The following ROBO1 variants were observed in gnomAD, a reference collection of about 807,000 sequenced individuals.
The protein encoded by ROBO1 is roundabout guidance receptor 1.
A neutral mutation model predicts 195.9 loss-of-function variants in ROBO1; 149 were observed. The ratio of observed to expected loss-of-function variants is 0.76; its 90% CI spans 0.67 to 0.87. The LOEUF (loss-of-function observed/expected upper bound fraction) is 0.87, where lower values mean the gene tolerates loss of function less well. ROBO1 is among the 40% of genes least tolerant of loss of function. The pLI, the probability that ROBO1 is intolerant of heterozygous loss-of-function variation, is 0.00. For synonymous variants in ROBO1, 816 were observed against 733.2 expected (o/e 1.11, Z -1.82); for missense variants, 1,933 against 2,068.3 (o/e 0.93, Z 1.27).
chr3:79,020,018 G>C (rs889539958), intron 3 of ROBO1, among the ~76,000 whole-genome samples: 7 of 152,262 alleles, frequency 4.6e-5, no homozygotes, highest in African/African-American at 1.7e-4. Context: ...CAAATCATAA[G>C]GCACAGGGTT....
chr3:79,408,553 A>C (rs950992911), intron 2 of ROBO1, among the ~76,000 whole-genome samples: 2 of 152,112 alleles, frequency 1.3e-5, no homozygotes, highest in African/African-American at 4.8e-5. Context: ...TGCTATAAAA[A>C]CAGGATTTGA....
chr3:78,680,286 T>A (rs1351096733), intron 10 of ROBO1, among the ~76,000 whole-genome samples: 4 of 152,064 alleles, frequency 2.6e-5, no homozygotes, highest in Admixed American at 2.6e-4. Context: ...GGACTTCATG[T>A]CTAAAACACC....
chr3:79,029,366 A>G (rs2078254910), intron 3 of ROBO1, among the ~76,000 whole-genome samples: 1 of 152,082 alleles, frequency 6.6e-6, no homozygotes, highest in African/African-American at 2.4e-5. Context: ...GAGATTAGTA[A>G]TTTTGTCGCT....
intron 2 of ROBO1, among the ~76,000 whole-genome samples, chr3:79,396,354 A>T (rs995129681): frequency 6.6e-6 from 1 of 152,058 alleles, no homozygotes; most frequent in Non-Finnish European, 1.5e-5. Context: ...ACATCTTTTG[A>T]TATATTCTAT....
intron 3 of ROBO1, among the ~76,000 whole-genome samples, chr3:79,054,096 G>A (rs1311766281): frequency 6.6e-6 from 1 of 152,110 alleles, no homozygotes; most frequent in African/African-American, 2.4e-5. Context: ...CTGGTAGTCA[G>A]AGGAGGCCCG....
At chr3:79,494,151 CT>C (rs146657230) in intron 2 of ROBO1, among the ~76,000 whole-genome samples, 1 of 152,118 alleles carries the variant, frequency 6.6e-6, no homozygotes, top group East Asian at 1.9e-4. Flanking sequence ...CATCTCCACA[CT>C]TTTTTTCTCC....
At chr3:78,891,344 C>A (rs904186929) in intron 4 of ROBO1, among the ~76,000 whole-genome samples, 2 of 138,548 alleles carry the variant, frequency 1.4e-5, no homozygotes, top group Admixed American at 7.1e-5. Flanking sequence ...ATGGCCAATA[C>A]GCACATTTAA....
intron 2 of ROBO1, among the ~76,000 whole-genome samples, chr3:79,425,920 T>C (rs557531822): frequency 1.3e-5 from 2 of 152,322 alleles, no homozygotes; most frequent in African/African-American, 4.8e-5. Context: ...ATATCTGTTC[T>C]CATTCCACAT....
intron 10 of ROBO1, among the ~76,000 whole-genome samples, chr3:78,684,599 G>A (rs1262364985): frequency 6.6e-6 from 1 of 152,082 alleles, no homozygotes; most frequent in Admixed American, 6.6e-5. Flanking sequence ...GTAATTTGGG[G>A]AGAAGACCAG....
intron 2 of ROBO1, among the ~76,000 whole-genome samples, chr3:79,334,620 T>C (rs969965176): frequency 2.2e-4 from 33 of 152,020 alleles, no homozygotes; most frequent in Non-Finnish European, 2.5e-4. Flanking sequence ...ACGTCACTAA[T>C]CTGACAATCT....
chr3:79,035,441 T>A (rs1185172510), intron 3 of ROBO1, among the ~76,000 whole-genome samples: 5 of 152,064 alleles, frequency 3.3e-5, no homozygotes, highest in Non-Finnish European at 5.9e-5. Flanking sequence ...TAATGAGAAC[T>A]GGGTGAGGTG....
rs200301695 is a variant in ROBO1, at chr3:79,190,567, C to T, written c.89-65028G>A. ...AATTTGGTTTTAGGCATCTTACAAA[C>T]TCACTGTCTACAAATAAATCAGTGT... On this transcript the variant is annotated intron_variant, in intron 2 of 30. Transcript: ENST00000464233. Among the ~76,000 whole-genome samples, 39 of 151,622 alleles carry T rather than the reference C, an allele frequency of 2.6e-4. 1 individual carries two copies. In the East Asian group the frequency reaches 7.0e-3, roughly 27 times the overall value.
At chr3:79,268,304 A>T (rs561503492) in intron 2 of ROBO1, among the ~76,000 whole-genome samples, 1 of 151,690 alleles carries the variant, frequency 6.6e-6, no homozygotes, top group Non-Finnish European at 1.5e-5. Flanking sequence ...TTACTACAAC[A>T]TCAAACCTTA....
chr3:78,680,698 G>A (rs2080879046), intron 10 of ROBO1, among the ~76,000 whole-genome samples: 1 of 144,158 alleles, frequency 6.9e-6, no homozygotes, highest in South Asian at 2.2e-4. Context: ...TGCTGGAGAG[G>A]ATGTGGAGAA....
chr3:79,601,266 G>GT (rs747251845), intron 1 of ROBO1, among the ~76,000 whole-genome samples: 2 of 151,946 alleles, frequency 1.3e-5, no homozygotes, highest in Admixed American at 1.3e-4. Flanking sequence ...ACAATAGATG[G>GT]TTTCATTCGG....
At chr3:79,377,300 T>C (rs568936741) in intron 2 of ROBO1, among the ~76,000 whole-genome samples, 2 of 152,346 alleles carry the variant, frequency 1.3e-5, no homozygotes, top group East Asian at 3.9e-4. Flanking sequence ...TAAAGTGTTC[T>C]GGCATAAATT....
At chr3:79,155,696 T>C (rs532724454) in intron 2 of ROBO1, among the ~76,000 whole-genome samples, 5 of 151,746 alleles carry the variant, frequency 3.3e-5, no homozygotes, top group Non-Finnish European at 4.4e-5. Context: ...ATTACTCCTG[T>C]TTTTTGAGTG....
chr3:78,863,448 AC>A (rs2034974827), intron 4 of ROBO1, among the ~76,000 whole-genome samples: 1 of 152,142 alleles, frequency 6.6e-6, no homozygotes, highest in African/African-American at 2.4e-5. Context: ...GTGTGAAGAA[AC>A]CGTGTGAATG....
At chr3:78,782,664 CACT>C (rs2083714027) in intron 4 of ROBO1, among the ~76,000 whole-genome samples, 1 of 152,130 alleles carries the variant, frequency 6.6e-6, no homozygotes, top group Non-Finnish European at 1.5e-5. Flanking sequence ...CTATAAACAC[CACT>C]GTTTTTATTT....
Sources: gnomAD v4.1 joint callset for allele counts (sites outside exome capture counted in the v4.1 genomes callset) on GRCh38, gnomAD v4.1.1 for gene constraint, MANE v1.5 for transcripts, NCBI Gene and HGNC (gene_info 2026-07-23, HGNC 2026-07-21) for gene names.